Variants in POMT1 observed in about 807,000 individuals in gnomAD.
POMT1 encodes protein O-mannosyl-transferase 1.
POMT1 carries 85 observed loss-of-function variants against 101.6 expected under a neutral mutation model. The ratio of observed to expected loss-of-function variants is 0.84; its 90% CI spans 0.70 to 1.00. The LOEUF (loss-of-function observed/expected upper bound fraction) is 1.00. Ranked by LOEUF, POMT1 falls within the 50% of genes least tolerant of loss-of-function variation. POMT1 has a pLI of 0.00. For missense variants in POMT1, 857 were observed against 930.4 expected (o/e 0.92, Z 1.03); for synonymous variants, 371 against 383.0 (o/e 0.97, Z 0.37).
chr9:131,519,293 G>A lies in POMT1; in HGVS notation c.1487-96G>A. 4.0e-6 allele frequency: 5 copies of A among 1,253,640 alleles called. No individual in the cohort carries two copies. Among genetic ancestry groups the A allele is most frequent in the Non-Finnish European group, 5.7e-6 (5 of 883,270 alleles). 77.7% of individuals were successfully genotyped at this position (1,253,640 alleles called of 1,614,324 possible). ...TTCGATAAGGGGTCTTTGTTAGAAA[G>A]GCAGGAAGCCAGCTTTTTGCTGCAC... is the stretch of plus-strand genomic sequence containing the variant. On this transcript the variant is annotated intron_variant, in intron 15 of 19. Coordinates refer to ENST00000402686, the MANE Select transcript of POMT1 (RefSeq NM_001077365.2). The surrounding 1 kb of genome is among the most constrained non-coding windows in gnomAD (Gnocchi z 4.3).
At chr9:131,521,566 G>T in intron 18 of POMT1, 94 bp downstream of exon 18, 10 of 1,438,616 alleles carry the variant, frequency 7.0e-6, no homozygotes, top group Non-Finnish European at 9.7e-6. Context: ...CTGGGCTTAA[G>T]CGATCCTCCT....
intron 2 of POMT1, among the ~76,000 whole-genome samples, chr9:131,505,360 G>A (rs1945565214): frequency 6.7e-6 from 1 of 148,208 alleles, no homozygotes; most frequent in African/African-American, 2.5e-5. Context: ...GCAATGGTGC[G>A]ATCGTGATTC....
intron 3 of POMT1, 85 bp downstream of exon 3, chr9:131,506,305 A>AC: frequency 1.9e-6 from 3 of 1,566,094 alleles, no homozygotes; most frequent in African/African-American, 2.7e-5. Flanking sequence ...ACAGGCAGAA[A>AC]CCAGGTCTTA....
At position 131,522,005 on chromosome 9, in the gene POMT1, T is replaced by C. The variant is rs1361585710; in HGVS notation, c.1826-42T>C. On this transcript the variant is annotated intron_variant, in intron 18 of 19. Transcript: ENST00000402686. This position sits in a 1 kb window ranked among gnomAD's most constrained non-coding sequence, Gnocchi z 5.5. ...CAAAAGAGAGAGAAGACCCGGCCTGTGGGAGCAGCAGAGTCGGTGTAGCTC... is the reference window on the plus strand; with the variant it reads ...CAAAAGAGAGAGAAGACCCGGCCTGCGGGAGCAGCAGAGTCGGTGTAGCTC... 2.5e-6 allele frequency: 4 copies of C among 1,612,626 alleles called. No homozygotes were observed. The highest frequency in any genetic ancestry group is 3.4e-6 in the Non-Finnish European group (4 of 1,179,854).
chr9:131,505,989 G>T, intron 2 of POMT1, 125 bp from the exon 3 acceptor site: 2 of 1,327,864 alleles, frequency 1.5e-6, no homozygotes, highest in Non-Finnish European at 2.1e-6. Context: ...TGGGGCAAAA[G>T]ATCCAGCCTT....
At chr9:131,515,025 C>A (rs749077940) in intron 12 of POMT1, among the ~76,000 whole-genome samples, 1 of 152,246 alleles carries the variant, frequency 6.6e-6, no homozygotes, top group Non-Finnish European at 1.5e-5. Context: ...TTATCTGCTG[C>A]GTCCCCAGGC....
chr9:131,505,120 CAT>C (rs1356142130), intron 2 of POMT1, among the ~76,000 whole-genome samples: 4 of 151,612 alleles, frequency 2.6e-5, no homozygotes, highest in Admixed American at 2.0e-4. Flanking sequence ...AAACGTCAAA[CAT>C]ATACAAAAGC....
chr9:131,506,079 T>A, intron 2 of POMT1, 35 bp from the exon 3 acceptor site: 2 of 1,611,786 alleles, frequency 1.2e-6, no homozygotes, highest in South Asian at 2.2e-5. Flanking sequence ...AAGATTCTAA[T>A]TGAATATAAT....
chr9:131,520,717 G>A (rs190581031), intron 17 of POMT1, among the ~76,000 whole-genome samples: 3 of 152,236 alleles, frequency 2.0e-5, no homozygotes, highest in Non-Finnish European at 2.9e-5. Flanking sequence ...GCCCCACCCC[G>A]AGCTCTGAGC....
Position 131,517,109 on chromosome 9 carries a change from C to G in POMT1, c.1273-1336C>G, listed in dbSNP as rs562583385. The G allele has an allele frequency of 7.8e-4, 119 of 152,516 alleles. No individual in the cohort carries two copies. The South Asian group carries it at 0.014, about 17-fold the overall frequency. The allele number at this position is 152,516 out of a possible 1,614,324, so 9.4% of individuals were successfully genotyped here. The stretch of plus-strand genomic sequence containing the variant: ...ATTTCCATAGTGAGGTCACACCCCC[C>G]CTTCTAGCTTCCCACTGGCTTCAGC... On this transcript the variant is annotated intron_variant, in intron 13 of 19. Transcript: ENST00000402686.
In POMT1 at chr9:131,509,025, A is replaced by G. The variant is rs780457748; in HGVS notation, c.539+3A>G. 3.2e-6 allele frequency: 5 copies of G among 1,587,182 alleles called. No individual in the cohort carries two copies. In the African/African-American group the frequency reaches 4.0e-5, roughly 13 times the overall value. ...TTCTTCAACTGCCAAAAGCACAGGT[A>G]TGGAAAATGGAGTGTCTTCCTAGTT... On this transcript the variant is annotated splice_donor_region_variant and intron_variant, in intron 6 of 19. Coordinates refer to ENST00000402686, the MANE Select transcript of POMT1 (RefSeq NM_001077365.2).
chr9:131,511,995 G>A, intron 10 of POMT1, 46 bp from the exon 11 acceptor site: 10 of 1,609,086 alleles, frequency 6.2e-6, no homozygotes, highest in Non-Finnish European at 8.5e-6. Context: ...ACAGGCCTGA[G>A]CCACCGCGCC....
At position 131,522,421 on chromosome 9, in the gene POMT1, C is replaced by T; in HGVS notation, c.2003+197C>T. On this transcript the variant is annotated intron_variant, in intron 19 of 19. Transcript: ENST00000402686. The surrounding 1 kb of genome is among the most constrained non-coding windows in gnomAD (Gnocchi z 5.5). ...ACTGCAGGAACCCAGAGGGAGAAGT[C>T]GCGGCTGACAGAGATGAAAGCGGAG... 3.5e-6 allele frequency: 4 copies of T among 1,142,950 alleles called. No individual in the cohort carries two copies. Among genetic ancestry groups the T allele is most frequent in the South Asian group, 1.6e-5 (1 of 63,304 alleles). The allele number at this position is 1,142,950 out of a possible 1,614,324, so 70.8% of individuals were successfully genotyped here.
At chr9:131,520,851 G>C (rs937000397) in intron 17 of POMT1, among the ~76,000 whole-genome samples, 2 of 151,940 alleles carry the variant, frequency 1.3e-5, no homozygotes, top group African/African-American at 4.8e-5. Context: ...GTATGTGAGA[G>C]AGAAAGAGAG....
At chr9:131,518,619 C>T (rs1949246115) in intron 14 of POMT1, 82 bp downstream of exon 14, 8 of 1,437,460 alleles carry the variant, frequency 5.6e-6, no homozygotes, top group Non-Finnish European at 7.8e-6. Context: ...TTCACCGCCT[C>T]TCTGCAGGCG....
In POMT1 at chr9:131,504,178, T is replaced by C; in HGVS notation, c.-30-11T>C. On this transcript the variant is annotated splice_polypyrimidine_tract_variant and intron_variant, in intron 1 of 19. Coordinates refer to ENST00000402686, the MANE Select transcript of POMT1 (RefSeq NM_001077365.2). ...GCCCTCATGGACCACGGCTCCTCCC[T>C]TCTTTTCTAGGGCGTCTGCCTGAGC... The C allele has an allele frequency of 6.2e-7, 1 of 1,613,844 alleles. No homozygotes were observed. Among genetic ancestry groups the C allele is most frequent in the Non-Finnish European group, 8.5e-7 (1 of 1,179,832 alleles).
At chr9:131,517,241 T>TC (rs962897469) in intron 13 of POMT1, among the ~76,000 whole-genome samples, 3 of 151,018 alleles carry the variant, frequency 2.0e-5, no homozygotes, top group Non-Finnish European at 4.4e-5. Flanking sequence ...TGTTCTTTTT[T>TC]TTTTTTTGCG....
At chr9:131,517,707 C>A (rs1564374026) in intron 13 of POMT1, among the ~76,000 whole-genome samples, 1 of 152,214 alleles carries the variant, frequency 6.6e-6, no homozygotes, top group Non-Finnish European at 1.5e-5. Context: ...GAGTGCTGTG[C>A]CCCTTCTCAC....
intron 4 of POMT1, among the ~76,000 whole-genome samples, chr9:131,506,956 A>G (rs1476680508): frequency 7.9e-5 from 12 of 151,694 alleles, no homozygotes; most frequent in Admixed American, 7.9e-4. Flanking sequence ...AGTCCCAGCA[A>G]CTCGGGAGGC....
Sources: gnomAD v4.1 joint callset for allele counts (sites outside exome capture counted in the v4.1 genomes callset) on GRCh38, gnomAD v4.1.1 for gene constraint, Gnocchi (gnomAD v3.1) non-coding constraint, MANE v1.5 for transcripts, NCBI Gene and HGNC (gene_info 2026-07-23, HGNC 2026-07-21) for gene names.